The following TRPM5 variants were observed in gnomAD, a reference collection of about 807,000 sequenced individuals.
TRPM5 encodes MLSN1 and TRP-related.
Under a neutral mutation model 124.9 loss-of-function variants are expected in TRPM5, and 121 were observed. The ratio of observed to expected loss-of-function variants is 0.97; its 90% CI spans 0.84 to 1.13. TRPM5 has a LOEUF of 1.13. Among genes scored for constraint, TRPM5 ranks in the 50% most tolerant of loss-of-function variants. The pLI is 0.00. For missense variants in TRPM5, 1,643 were observed against 1,589.1 expected (o/e 1.03, Z -0.58); for synonymous variants, 781 against 700.5 (o/e 1.11, Z -1.81).
At chr11:2,435,277 G>A in the TRPM5 span, among the ~76,000 whole-genome samples, 222 of 152,132 alleles carry the variant, frequency 1.5e-3, 2 homozygotes, top group Non-Finnish European at 2.6e-3. The surrounding 1 kb of genome is among the most constrained non-coding windows in gnomAD (Gnocchi z 4.1). Context: ...TTAAATGGGC[G>A]GGTCGAGGAA....
chr11:2,413,680 C>T (rs1850502624), intron 12 of TRPM5, 92 bp from the exon 18 acceptor site: 2 of 1,225,530 alleles, frequency 1.6e-6, no homozygotes, highest in South Asian at 1.3e-5. Flanking sequence ...GGTGCCTGGC[C>T]CACGTGAGCT....
At chr11:2,424,026 C>T (rs116205919), upstream of TRPM5, among the ~76,000 whole-genome samples, 1,566 of 152,346 alleles carry the variant, frequency 0.01, 24 homozygotes, top group African/African-American at 0.034. Flanking sequence ...TGGAACCACG[C>T]GTCGGGTCAC....
chr11:2,415,161 C>T (rs1348038465), exon 9 of TRPM5: 10 of 1,580,076 alleles, frequency 6.3e-6, no homozygotes, highest in Non-Finnish European at 8.6e-6. Context: ...CTGGTAGAAG[C>T]CTCGGCAGGC....
chr11:2,416,715 A>G (rs1464166390), intron 7 of TRPM5, among the ~76,000 whole-genome samples: 1 of 152,098 alleles, frequency 6.6e-6, no homozygotes, highest in Non-Finnish European at 1.5e-5. Context: ...GCGTCCCCTC[A>G]AGGTGTCCCC....
chr11:2,405,555 G>A (rs148001795), exon 23 of TRPM5: 73 of 1,565,758 alleles, frequency 4.7e-5, no homozygotes, highest in Middle Eastern at 1.7e-4. Flanking sequence ...GGGCCAGCAC[G>A]TCAGCCACGG....
chr11:2,407,000 G>T (rs1244878811), intron 20 of TRPM5, 119 bp downstream of exon 25: 1 of 1,346,644 alleles, frequency 7.4e-7, no homozygotes, highest in African/African-American at 1.5e-5. Context: ...GCCCAGCTGA[G>T]GACCCACAGG....
chr11:2,430,230 C>T, the TRPM5 span, among the ~76,000 whole-genome samples: 5 of 151,062 alleles, frequency 3.3e-5, no homozygotes, highest in Non-Finnish European at 5.9e-5. Flanking sequence ...CCTGCTGGCT[C>T]CCTCTTGCCA....
upstream of TRPM5, among the ~76,000 whole-genome samples, chr11:2,426,575 C>A (rs1845842157): frequency 6.6e-6 from 1 of 152,042 alleles, no homozygotes; most frequent in African/African-American, 2.4e-5. Flanking sequence ...GCTCCCAGGG[C>A]AGCGGGGCAC....
chr11:2,424,279 T>C (rs1465351633), upstream of TRPM5, among the ~76,000 whole-genome samples: 5 of 152,136 alleles, frequency 3.3e-5, no homozygotes, highest in Admixed American at 1.3e-4. Flanking sequence ...ATACAGGAGT[T>C]GGGGGGAACT....
intron 7 of TRPM5, 24 bp downstream of exon 12, chr11:2,417,703 C>A: frequency 2.4e-6 from 3 of 1,254,490 alleles, no homozygotes; most frequent in South Asian, 1.3e-5. Flanking sequence ...TGGCGCCTGC[C>A]TTGCCCACCC....
At chr11:2,426,812 T>G (rs10832025), upstream of TRPM5, among the ~76,000 whole-genome samples, 44,692 of 151,908 alleles carry the variant, frequency 0.29, 6,676 homozygotes, top group Admixed American at 0.35. Flanking sequence ...TGCAGCAGGC[T>G]GGAAGTCAGC....
chr11:2,418,586 C>G lies in TRPM5; in HGVS notation c.655G>C (p.Gly219Arg), dbSNP rs778811274. The change falls in exon 5 of 24, where the codon GGC becomes CGC. Residue 219 changes from glycine (G) to arginine (R), a missense_variant. Gly to Arg is a moderately radical substitution (Grantham distance 125, BLOSUM62 -2). Transcript: ENST00000155858. ...CAGAGGACAGGGATCTCGATGCTGC[C>G]AGTGCCTGTGGACAGGGCACCCGTG... The G allele has an allele frequency of 3.2e-5, 51 of 1,610,980 alleles. No homozygotes were observed. The East Asian group carries it at 1.1e-3, about 35-fold the overall frequency.
chr11:2,405,875 C>A, intron 22 of TRPM5, 144 bp downstream of exon 27: 1 of 780,848 alleles, frequency 1.3e-6, no homozygotes, highest in Non-Finnish European at 2.1e-6. Context: ...CCCCAGAACG[C>A]TCCTCTGCCC....
upstream of TRPM5, among the ~76,000 whole-genome samples, chr11:2,423,873 C>T (rs1845808829): frequency 6.6e-6 from 1 of 152,252 alleles, no homozygotes; most frequent in Non-Finnish European, 1.5e-5. Flanking sequence ...CATCTGTCAG[C>T]TGCCCAGCCC....
exon 1 of TRPM5, chr11:2,423,015 G>T: frequency 6.2e-7 from 1 of 1,612,074 alleles, no homozygotes. Flanking sequence ...CTTCCGGGAC[G>T]GGGGCCTTGG....
chr11:2,415,050 G>A lies in TRPM5; in HGVS notation c.1480-3C>T. 6.3e-7 allele frequency: 1 copy of A among 1,599,044 alleles called. No homozygotes were observed. Among genetic ancestry groups the A allele is most frequent in the South Asian group, 1.1e-5 (1 of 90,802 alleles). ...GGCCGCTTGGCCGGGCCCTTCTCCT[G>A]GAGGACACGGGCGTCGGCCTCCTGC... On this transcript the variant is annotated splice_region_variant and splice_polypyrimidine_tract_variant and intron_variant, in intron 9 of 23. Transcript: ENST00000155858.
At chr11:2,439,810 G>A in the TRPM5 span, among the ~76,000 whole-genome samples, 1 of 152,166 alleles carries the variant, frequency 6.6e-6, no homozygotes, top group Non-Finnish European at 1.5e-5. Context: ...ATTTGACCCA[G>A]CAATTCCATT....
chr11:2,415,486 G>T lies in TRPM5; in HGVS notation c.1129-15C>A, dbSNP rs1845652288. The T allele has an allele frequency of 6.6e-7, 1 of 1,520,532 alleles. No homozygotes were observed. Among genetic ancestry groups the T allele is most frequent in the Non-Finnish European group, 8.8e-7 (1 of 1,132,058 alleles). 94.2% of individuals were successfully genotyped at this position (1,520,532 alleles called of 1,614,324 possible). ...AGGTCACAGGACTTGGCGGCCATGG[G>T]CACCCGAGGGAAGGGGGACAAGAGA... On this transcript the variant is annotated splice_polypyrimidine_tract_variant and intron_variant, in intron 8 of 23. Transcript: ENST00000155858.
At chr11:2,437,989 C>T in the TRPM5 span, among the ~76,000 whole-genome samples, 1 of 152,290 alleles carries the variant, frequency 6.6e-6, no homozygotes, top group Non-Finnish European at 1.5e-5. The surrounding 1 kb of genome is among the most constrained non-coding windows in gnomAD (Gnocchi z 5.6). Context: ...AATTAATTCA[C>T]CACAGTCAAA....
Sources: gnomAD v4.1 joint callset for allele counts (sites outside exome capture counted in the v4.1 genomes callset) on GRCh38, gnomAD v4.1.1 for gene constraint, Gnocchi (gnomAD v3.1) non-coding constraint, MANE v1.5 for transcripts, NCBI Gene and HGNC (gene_info 2026-07-23, HGNC 2026-07-21) for gene names.